SLC36A2: variants seen among roughly 807,000 people sequenced by gnomAD.
SLC36A2 encodes the protein proton-coupled amino acid transporter 2.
SLC36A2 carries 39 observed loss-of-function variants against 42.7 expected under a neutral mutation model. The ratio of observed to expected loss-of-function variants is 0.91; its 90% CI spans 0.71 to 1.19. SLC36A2 has a LOEUF of 1.19. Ranked by LOEUF, SLC36A2 falls within the 50% of genes most tolerant of loss-of-function variation. The probability of loss-of-function intolerance (pLI) is 0.00; values close to 1 mark genes in which losing one functional copy is unlikely to be tolerated. For synonymous variants in SLC36A2, 237 were observed against 240.8 expected (o/e 0.98, Z 0.15); for missense variants, 590 against 613.7 (o/e 0.96, Z 0.41).
Position 151,333,305 on chromosome 5 carries a change from G to T in SLC36A2, c.762C>A (p.Ser254Arg). ...TCCAGCTTGCTACCAGTGGCAACCG[G>T]CTGGGGTCTGGGATTTCCTAAAGAA... ...QYITQEIPDP[S>R]RLPLVASWKT... is the part of the protein sequence containing the mutation. The change falls in exon 7 of 10, where the codon AGC becomes AGA. Residue 254 changes from serine (S) to arginine (R), a missense_variant. Physicochemically the swap from Ser to Arg is moderately radical, Grantham distance 110 (BLOSUM62 -1). Coordinates refer to ENST00000335244, the MANE Select transcript of SLC36A2 (RefSeq NM_181776.3). The T allele has an allele frequency of 6.2e-7, 1 of 1,614,024 alleles. No individual in the cohort carries two copies. Among genetic ancestry groups the T allele is most frequent in the Non-Finnish European group, 8.5e-7 (1 of 1,179,910 alleles).
intron 8 of SLC36A2, 139 bp from the exon 9 acceptor site, chr5:151,322,354 A>G (rs2127285760): frequency 1.0e-6 from 1 of 980,062 alleles, no homozygotes; most frequent in Non-Finnish European, 1.6e-6. Context: ...GGGACCTTCT[A>G]AGAATCAAGA....
At chr5:151,328,936 A>G (rs964613253) in intron 7 of SLC36A2, among the ~76,000 whole-genome samples, 1 of 152,244 alleles carries the variant, frequency 6.6e-6, no homozygotes, top group African/African-American at 2.4e-5. Context: ...CCCCAGAGGC[A>G]GACTTGGTCA....
At chr5:151,341,557 C>G (rs377332448) in intron 4 of SLC36A2, among the ~76,000 whole-genome samples, 20 of 152,266 alleles carry the variant, frequency 1.3e-4, no homozygotes, top group Non-Finnish European at 2.2e-4. Context: ...GATTTAGTCC[C>G]AAGTACCAGA....
chr5:151,323,735 G>T (rs546513480), intron 8 of SLC36A2, among the ~76,000 whole-genome samples: 3 of 152,304 alleles, frequency 2.0e-5, no homozygotes, highest in East Asian at 3.9e-4. Flanking sequence ...CTATGTTATT[G>T]TTTGTGTACA....
In SLC36A2 at chr5:151,347,503, G is replaced by C. The variant is rs765660930; in HGVS notation, c.-43C>G. The C allele has an allele frequency of 6.2e-7, 1 of 1,609,106 alleles. No individual in the cohort carries two copies. The highest frequency in any genetic ancestry group is 1.7e-5 in the Admixed American group (1 of 60,006). On this transcript the variant is annotated 5_prime_UTR_variant, in exon 1 of 10. Transcript: ENST00000335244. The stretch of plus-strand genomic sequence containing the variant: ...GGAGCTCGGGGTGACAAAGAGGTCT[G>C]CTCTGGAAGGAGGGAAGCAGGAAGG...
Position 151,342,920 on chromosome 5 carries a change from G to A in SLC36A2, c.408C>T (p.Asn136=), listed in dbSNP as rs757471205. Residue 136 remains asparagine, a synonymous_variant, in exon 4 of 10, where the codon AAC becomes AAT. Transcript: ENST00000335244. ...TVMHGLEANP[N]AWLQNHAHWG... ...AGTGAGCGTGATTCTGGAGCCAGGC[G>A]TTGGGGTTGGCTTCTAGTCCATGCA... The A allele has an allele frequency of 5.0e-6, 8 of 1,614,156 alleles. No individual in the cohort carries two copies. The highest frequency in any genetic ancestry group is 1.7e-5 in the Admixed American group (1 of 60,012).
rs372989763 is a variant in SLC36A2, at chr5:151,325,320, T to C, written c.976A>G (p.Lys326Glu). 7 of 1,613,894 alleles carry C rather than the reference T, an allele frequency of 4.3e-6. No individual in the cohort carries two copies. The African/African-American group carries it at 6.7e-5, about 15-fold the overall frequency. The change falls in exon 8 of 10, where the codon AAG becomes GAG. Residue 326 changes from lysine (K) to glutamate (E), a missense_variant. By Grantham distance (56) the Lys-to-Glu change is moderately conservative. Transcript: ENST00000335244. Reference sequence around the variant, plus strand: ...GGCAGGTTAAGGCTTATGCTGGCCTTGATGTCATCTCCAAACCGCAGGTAG... The same window carrying C: ...GGCAGGTTAAGGCTTATGCTGGCCTCGATGTCATCTCCAAACCGCAGGTAG... ...LGYLRFGDDI[K>E]ASISLNLPNC...
Position 151,347,387 on chromosome 5 carries a change from T to C in SLC36A2, c.74A>G (p.Glu25Gly), listed in dbSNP as rs753405876. The change falls in exon 1 of 10, where the codon GAA (glutamate) becomes GGA (glycine). Residue 25 changes from glutamate (E) to glycine (G), a missense_variant. Physicochemically the swap from Glu to Gly is moderately conservative, Grantham distance 98 (BLOSUM62 -2). Transcript: ENST00000335244. ...CTTGTTCTCCAACTTCTTGGCACTT[T>C]CAGGAGGCGACATAAGGTCCAATTT... The part of the protein sequence containing the change: ...AIKLDLMSPP[E>G]SAKKLENKDS... 4.3e-6 allele frequency: 7 copies of C among 1,614,128 alleles called. No homozygotes were observed. The African/African-American group carries it at 6.7e-5, about 15-fold the overall frequency.
intron 9 of SLC36A2, among the ~76,000 whole-genome samples, chr5:151,318,501 A>AT (rs1489815011): frequency 5.1e-5 from 6 of 116,976 alleles, no homozygotes; most frequent in African/African-American, 2.5e-4. Context: ...TATCTATAAT[A>AT]AAAATAAATA....
intron 9 of SLC36A2, among the ~76,000 whole-genome samples, chr5:151,321,653 A>G (rs975661732): frequency 1.3e-5 from 2 of 150,658 alleles, no homozygotes; most frequent in African/African-American, 4.9e-5. Flanking sequence ...GCTGATTGTC[A>G]TGACTGCCCT....
chr5:151,320,658 T>C (rs1020268111), intron 9 of SLC36A2, among the ~76,000 whole-genome samples: 1 of 152,164 alleles, frequency 6.6e-6, no homozygotes, highest in African/African-American at 2.4e-5. Context: ...GGGAATGACC[T>C]CAGCCAATAG....
At chr5:151,325,495 A>G in intron 7 of SLC36A2, 43 bp from the exon 8 acceptor site, 1 of 1,605,254 alleles carries the variant, frequency 6.2e-7, no homozygotes, top group East Asian at 2.2e-5. Flanking sequence ...GAGTAACATG[A>G]ACAAAAAGAA....
rs1315403692 is a variant in SLC36A2 at position 151,325,297 on chromosome 5, C to T, written c.999G>A (p.Leu333=). 1.2e-6 allele frequency: 2 copies of T among 1,613,218 alleles called. No individual in the cohort carries two copies. The highest frequency in any genetic ancestry group is 2.7e-5 in the African/African-American group (2 of 74,918). The part of the protein sequence containing the change: ...DDIKASISLN[L]PNCWLYQSVK... The stretch of plus-strand genomic sequence containing the variant: ...GCCCATGAAGATACCAGCAGTTAGG[C>T]AGGTTAAGGCTTATGCTGGCCTTGA... Residue 333 remains leucine, a synonymous_variant, in exon 8 of 10, where the codon CTG becomes CTA. Coordinates refer to ENST00000335244, the MANE Select transcript of SLC36A2 (RefSeq NM_181776.3).
intron 7 of SLC36A2, among the ~76,000 whole-genome samples, chr5:151,327,145 A>G (rs1394926160): frequency 6.6e-6 from 1 of 152,184 alleles, no homozygotes; most frequent in Non-Finnish European, 1.5e-5. Context: ...AGAATTACAC[A>G]AGCACCATAA....
intron 3 of SLC36A2, among the ~76,000 whole-genome samples, 200 bp from the exon 4 acceptor site, chr5:151,343,183 C>T (rs1251866759): frequency 3.9e-5 from 6 of 152,182 alleles, no homozygotes; most frequent in African/African-American, 1.2e-4. Flanking sequence ...GCGGAGACTA[C>T]ACAGCAAGAG....
intron 4 of SLC36A2, among the ~76,000 whole-genome samples, chr5:151,340,519 C>G (rs985004990): frequency 2.0e-5 from 3 of 152,074 alleles, no homozygotes; most frequent in African/African-American, 4.8e-5. Flanking sequence ...AGACAGTGTT[C>G]AACCCTGGAG....
intron 9 of SLC36A2, among the ~76,000 whole-genome samples, chr5:151,317,473 CTCT>C (rs1304020226): frequency 6.6e-6 from 1 of 150,778 alleles, no homozygotes; most frequent in Non-Finnish European, 1.5e-5. Flanking sequence ...AAAAAAAATC[CTCT>C]TCTTAAAAAA....
chr5:151,340,147 GAGA>G (rs1229716387), intron 4 of SLC36A2, among the ~76,000 whole-genome samples: 1 of 104,402 alleles, frequency 9.6e-6, no homozygotes, highest in Admixed American at 8.0e-5. Context: ...AGAAGAGGAG[GAGA>G]AGGAGGAGGA....
At position 151,316,997 on chromosome 5, in the gene SLC36A2, C is replaced by T. The variant is rs375688437; in HGVS notation, c.1272G>A (p.Pro424=). The change falls in exon 10 of 10, where the codon CCG becomes CCA. Residue 424 remains proline (P), a synonymous_variant. Coordinates refer to ENST00000335244, the MANE Select transcript of SLC36A2 (RefSeq NM_181776.3). The part of the protein sequence containing the change: ...SGTALALIIP[P]LLEVTTFYSE... The stretch of plus-strand genomic sequence containing the variant: ...AGTAGAACGTGGTGACCTCCAGGAG[C>T]GGTGGGATGATGAGGGCCAGGGCGG... 50 of 1,613,892 alleles carry T rather than the reference C, an allele frequency of 3.1e-5. No individual in the cohort carries two copies. The highest frequency in any genetic ancestry group is 2.0e-4 in the East Asian group (9 of 44,830).
Sources: allele counts gnomAD v4.1 joint callset (sites outside exome capture counted in the v4.1 genomes callset), GRCh38; gene constraint gnomAD v4.1.1; transcripts MANE v1.5; gene names NCBI Gene and HGNC (gene_info 2026-07-23, HGNC 2026-07-21).